MAP3K21: variants seen among roughly 807,000 people sequenced by gnomAD.
MAP3K21 encodes the protein mitogen-activated protein kinase kinase kinase MLK4.
Under a neutral mutation model 86.1 loss-of-function variants are expected in MAP3K21, and 63 were observed. The observed-to-expected ratio is 0.73, with a 90% CI of 0.60 to 0.90. The LOEUF is 0.90. Among genes scored for constraint, MAP3K21 ranks in the 40% least tolerant of loss-of-function variants. MAP3K21 has a pLI of 0.00. For missense variants in MAP3K21, 1,220 were observed against 1,367.7 expected (o/e 0.89, Z 1.70); for synonymous variants, 558 against 564.8 (o/e 0.99, Z 0.17).
At chr1:233,354,714 A>G (rs1353640613) in intron 3 of MAP3K21, 122 bp from the exon 4 acceptor site, 6 of 798,136 alleles carry the variant, frequency 7.5e-6, no homozygotes, top group Non-Finnish European at 1.3e-5. Context: ...AGATACTATA[A>G]ATGGAAGCTT....
Position 233,379,562 on chromosome 1 carries a change from G to A in MAP3K21, c.2556G>A (p.Met852Ile). The A allele has an allele frequency of 1.2e-6, 2 of 1,614,190 alleles. No individual in the cohort carries two copies. The highest frequency in any genetic ancestry group is 1.7e-5 in the Admixed American group (1 of 60,020). ...GAAGTGGTCGTGAGCCAGCCCTCAT[G>A]CCAAGACTTGACACTGATTGTAGTG... ...APGSGREPAL[M>I]PRLDTDCSVS... The change falls in exon 9 of 10, where the codon ATG becomes ATA. Residue 852 changes from methionine to isoleucine, a missense_variant. By Grantham distance (10) the Met-to-Ile change is conservative. Coordinates refer to ENST00000366624, the MANE Select transcript of MAP3K21 (RefSeq NM_032435.3).
At chr1:233,334,164 CTTTTTTT>C (rs60541029) in intron 1 of MAP3K21, among the ~76,000 whole-genome samples, 32 of 136,822 alleles carry the variant, frequency 2.3e-4, no homozygotes, top group East Asian at 2.1e-4. Context: ...CGTGCCTGGA[CTTTTTTT>C]TTTTTTTTTT....
intron 6 of MAP3K21, among the ~76,000 whole-genome samples, chr1:233,375,622 A>C (rs377390525): frequency 4.6e-5 from 7 of 152,196 alleles, no homozygotes; most frequent in African/African-American, 1.7e-4. Context: ...ATTACAATGA[A>C]ATCCTAATTG....
chr1:233,346,428 T>A lies in MAP3K21; in HGVS notation c.806-14T>A. The A allele has an allele frequency of 6.4e-7, 1 of 1,571,394 alleles. No homozygotes were observed. Among genetic ancestry groups the A allele is most frequent in the Non-Finnish European group, 8.7e-7 (1 of 1,155,686 alleles). ...AAAGAATATGCAAATGTCTCACTTT[T>A]GATTTTTCTTTAGTTTTGCTACTTG... On this transcript the variant is annotated splice_polypyrimidine_tract_variant and intron_variant, in intron 1 of 9. Coordinates refer to ENST00000366624, the MANE Select transcript of MAP3K21 (RefSeq NM_032435.3).
Position 233,382,698 on chromosome 1 carries a change from A to G in MAP3K21, c.3098A>G (p.Glu1033Gly), listed in dbSNP as rs1249867229. 6.2e-7 allele frequency: 1 copy of G among 1,612,078 alleles called. No individual in the cohort carries two copies. Among genetic ancestry groups the G allele is most frequent in the East Asian group, 2.2e-5 (1 of 44,856 alleles). ...SRPSIYELEK[E>G]FLS ...CCATCTATATATGAACTGGAGAAAG[A>G]ATTCCTGTCTTAAACTAAGTGCCTT... The change falls in exon 10 of 10, where the codon GAA (glutamate) becomes GGA (glycine). Residue 1033 changes from glutamate (E) to glycine (G), a missense_variant. Transcript: ENST00000366624.
intron 9 of MAP3K21, among the ~76,000 whole-genome samples, chr1:233,381,512 T>G (rs1000421519): frequency 6.6e-6 from 1 of 152,230 alleles, no homozygotes; most frequent in Middle Eastern, 3.2e-3. Flanking sequence ...AAAGCTATAT[T>G]AAGACAAACT....
Position 233,328,370 on chromosome 1 carries a change from C to T in MAP3K21, c.342C>T (p.Ser114=), listed in dbSNP as rs551202467. ...CCGCGCCGCCGCCCTCGCGGCCCAG[C>T]TCCCCGGTACACGTCGCCTTCGAGC... ...ASPAPPPSRP[S]SPVHVAFERL... is the part of the protein sequence containing the mutation. The change falls in exon 1 of 10, where the codon AGC becomes AGT. Residue 114 remains serine (S), a synonymous_variant. Coordinates refer to ENST00000366624, the MANE Select transcript of MAP3K21 (RefSeq NM_032435.3). This position sits in a 1 kb window ranked among gnomAD's most constrained non-coding sequence, Gnocchi z 8.7. 3.6e-5 allele frequency: 53 copies of T among 1,478,138 alleles called. 1 individual carries two copies. The highest frequency in any genetic ancestry group is 4.5e-5 in the Non-Finnish European group (50 of 1,122,508). The allele number at this position is 1,478,138 out of a possible 1,614,324, so 91.6% of individuals were successfully genotyped here. A position where few individuals can be genotyped will look rare whatever the true frequency, so the allele number is the denominator to read the frequency against.
intron 4 of MAP3K21, among the ~76,000 whole-genome samples, chr1:233,361,454 C>A (rs1663464184): frequency 6.6e-6 from 1 of 152,128 alleles, no homozygotes; most frequent in African/African-American, 2.4e-5. Flanking sequence ...ATTTTCATTT[C>A]CAGCAGGTCT....
In MAP3K21 at chr1:233,375,937, A is replaced by G. The variant is rs1242163851; in HGVS notation, c.1697A>G (p.Lys566Arg). 6.2e-7 allele frequency: 1 copy of G among 1,612,300 alleles called. No individual in the cohort carries two copies. Among genetic ancestry groups the G allele is most frequent in the African/African-American group, 1.3e-5 (1 of 74,888 alleles). Residue 566 changes from lysine (K) to arginine (R), a missense_variant, in exon 7 of 10, where the codon AAA (lysine) becomes AGA (arginine). Transcript: ENST00000366624. ...AIQLTSDESNKTWGRNTVFRQ... is the reference protein window; with the variant it reads ...AIQLTSDESNRTWGRNTVFRQ... ...TTAGTGACTTCAGATGAAAGCAATA[A>G]AACTTGGGGAAGGAACACAGTCTTT...
At chr1:233,349,002 G>C (rs189048486) in intron 2 of MAP3K21, among the ~76,000 whole-genome samples, 3 of 152,236 alleles carry the variant, frequency 2.0e-5, no homozygotes, top group Admixed American at 6.5e-5. Flanking sequence ...TCCATTTAAA[G>C]CTTATCTTCT....
In MAP3K21 at chr1:233,379,701, C is replaced by A. The variant is rs774215819; in HGVS notation, c.2695C>A (p.Pro899Thr). The A allele has an allele frequency of 2.2e-5, 36 of 1,609,136 alleles. No homozygotes were observed. Among genetic ancestry groups the A allele is most frequent in the Middle Eastern group, 3.3e-4 (2 of 6,074 alleles). The change falls in exon 9 of 10, where the codon CCG (proline) becomes ACG (threonine). Residue 899 changes from proline to threonine, a missense_variant. Transcript: ENST00000366624. Reference sequence around the variant, plus strand: ...CAGACGGACCATGTCTGATGGAAATCCGACCCCAAGTAGGTTGCATTAATT... The same window carrying A: ...CAGACGGACCATGTCTGATGGAAATACGACCCCAAGTAGGTTGCATTAATT... ...HHRRTMSDGN[P>T]TPTGATIISA...
intron 2 of MAP3K21, 34 bp downstream of exon 2, chr1:233,346,656 C>T: frequency 2.5e-6 from 4 of 1,585,250 alleles, no homozygotes; most frequent in South Asian, 1.1e-5. Flanking sequence ...TCGGCAGAAA[C>T]TGCTTGCTAT....
chr1:233,379,135 T>C lies in MAP3K21; in HGVS notation c.2129T>C (p.Leu710Pro). 6.2e-7 allele frequency: 1 copy of C among 1,614,166 alleles called. No individual in the cohort carries two copies. Among genetic ancestry groups the C allele is most frequent in the East Asian group, 2.2e-5 (1 of 44,874 alleles). Residue 710 changes from leucine to proline, a missense_variant, in exon 9 of 10, where the codon CTG (leucine) becomes CCG (proline). Physicochemically the swap from Leu to Pro is moderately conservative, Grantham distance 98. This residue lies in a region of MAP3K21 where 632 missense variants were observed against 691.3 expected (regional missense o/e 0.91). Coordinates refer to ENST00000366624, the MANE Select transcript of MAP3K21 (RefSeq NM_032435.3). ...ATTGAGATGACTCCTACGAATAGTC[T>C]GAGTAGATCCCCCCAGAGAAAGAAA... ...VSIEMTPTNSLSRSPQRKKTE... is the reference protein window; with the variant it reads ...VSIEMTPTNSPSRSPQRKKTE...
intron 1 of MAP3K21, among the ~76,000 whole-genome samples, chr1:233,344,550 T>G (rs10910130): frequency 6.6e-6 from 1 of 151,894 alleles, no homozygotes; most frequent in African/African-American, 2.4e-5. Flanking sequence ...GAAACTGGAT[T>G]CCTTCCTTAC....
rs887109007 is a variant in MAP3K21 at position 233,328,128 on chromosome 1, G to C, written c.100G>C (p.Gly34Arg). 111 of 1,412,508 alleles carry C rather than the reference G, an allele frequency of 7.9e-5. 1 individual carries two copies. The African/African-American group carries it at 1.2e-3, about 16-fold the overall frequency. 87.5% of individuals were successfully genotyped at this position (1,412,508 alleles called of 1,614,324 possible). A position where few individuals can be genotyped will look rare whatever the true frequency, so the allele number is the denominator to read the frequency against. Reference sequence around the variant, plus strand: ...GTCCTCGTCGTCCACCTCCTCGGGCGGCTCGGCCTCGGCGGGCGCGGGGCT... The same window carrying C: ...GTCCTCGTCGTCCACCTCCTCGGGCCGCTCGGCCTCGGCGGGCGCGGGGCT... Reference protein sequence around the residue: ...SASSSSTSSGGSASAGAGLWA... With the variant: ...SASSSSTSSGRSASAGAGLWA... The change falls in exon 1 of 10, where the codon GGC (glycine) becomes CGC (arginine). Residue 34 changes from glycine (G) to arginine (R), a missense_variant. Gly to Arg is a moderately radical substitution (Grantham distance 125). Around this residue, in one of 5 missense-constraint regions of MAP3K21, gnomAD observed 369 missense variants for 385.3 expected, o/e 0.96. Coordinates refer to ENST00000366624, the MANE Select transcript of MAP3K21 (RefSeq NM_032435.3). The surrounding 1 kb of genome is among the most constrained non-coding windows in gnomAD (Gnocchi z 8.7).
At chr1:233,368,185 G>A (rs962990547) in intron 5 of MAP3K21, among the ~76,000 whole-genome samples, 2 of 152,196 alleles carry the variant, frequency 1.3e-5, no homozygotes, top group African/African-American at 2.4e-5. Flanking sequence ...TGTTTCTGTC[G>A]TGTTGTAACA....
Position 233,328,474 on chromosome 1 carries a change from C to A in MAP3K21, c.446C>A (p.Ala149Asp). The A allele has an allele frequency of 6.7e-7, 1 of 1,502,492 alleles. No individual in the cohort carries two copies. The highest frequency in any genetic ancestry group is 2.7e-5 in the East Asian group (1 of 36,408). 93.1% of individuals were successfully genotyped at this position (1,502,492 alleles called of 1,614,324 possible). Residue 149 changes from alanine to aspartate, a missense_variant, in exon 1 of 10, where the codon GCC (alanine) becomes GAC (aspartate). Coordinates refer to ENST00000366624, the MANE Select transcript of MAP3K21 (RefSeq NM_032435.3). The surrounding 1 kb of genome is among the most constrained non-coding windows in gnomAD (Gnocchi z 8.7). ...GCCACCTGGCAGGGCCAGGAGGTGG[C>A]CGTGAAGGCGGCGCGCCAGGACCCG... ...YRATWQGQEV[A>D]VKAARQDPEQ...
Position 233,376,544 on chromosome 1 carries a change from A to G in MAP3K21, c.1924+17A>G. ...ACCAGCCAGGTAAATGTGTTTCAGG[A>G]GGTAGGATTTGCTTGAGCAGTCCTT... is the stretch of plus-strand genomic sequence containing the variant. On this transcript the variant is annotated intron_variant, in intron 8 of 9. Transcript: ENST00000366624. The G allele has an allele frequency of 6.3e-7, 1 of 1,581,224 alleles. No individual in the cohort carries two copies. Among genetic ancestry groups the G allele is most frequent in the Non-Finnish European group, 8.7e-7 (1 of 1,152,382 alleles).
chr1:233,347,307 A>G (rs964282360), intron 2 of MAP3K21, among the ~76,000 whole-genome samples: 2 of 152,240 alleles, frequency 1.3e-5, no homozygotes, highest in Non-Finnish European at 2.9e-5. Context: ...AGATTGCATC[A>G]TCTAAAGATT....
Sources: gnomAD v4.1 joint callset for allele counts (sites outside exome capture counted in the v4.1 genomes callset) on GRCh38, gnomAD v4.1.1 for gene constraint, gnomAD v4.1.1 regional missense constraint, Gnocchi (gnomAD v3.1) non-coding constraint, MANE v1.5 for transcripts, NCBI Gene and HGNC (gene_info 2026-07-23, HGNC 2026-07-21) for gene names.